Variants in RASA1 observed in about 807,000 individuals in gnomAD.
RASA1 encodes the protein RAS p21 protein activator 1.
In RASA1, 25 loss-of-function variants were observed where a neutral mutation model predicts 132.2. That is an observed-to-expected ratio of 0.19 (90% CI 0.14 to 0.26). The LOEUF is 0.26. RASA1 is among the 10% of genes least tolerant of loss of function. The pLI is 1.00. For synonymous variants in RASA1, 477 were observed against 449.9 expected (o/e 1.06, Z -0.76); for missense variants, 964 against 1,299.2 (o/e 0.74, Z 3.97).
intron 1 of RASA1, among the ~76,000 whole-genome samples, chr5:87,310,478 C>G (rs1419387791): frequency 6.6e-6 from 1 of 152,104 alleles, no homozygotes; most frequent in African/African-American, 2.4e-5. Context: ...TACTTGAAAA[C>G]AATGGCCACC....
At position 87,268,528 on chromosome 5, in the gene RASA1, G is replaced by T. The variant is rs765793195; in HGVS notation, c.77G>T (p.Gly26Val). The change falls in exon 1 of 25, where the codon GGC becomes GTC. Residue 26 changes from glycine to valine, a missense_variant. By Grantham distance (109) the Gly-to-Val change is moderately radical. Coordinates refer to ENST00000274376, the MANE Select transcript of RASA1 (RefSeq NM_002890.3). ...GCTGGAGGAGGCGGCGCGGCAGCGG[G>T]CTCCAGTGCCTATCCCGCAGTGTGT... ...AGAGGGGAAA[G>V]SSAYPAVCRV... 11 of 1,590,004 alleles carry T rather than the reference G, an allele frequency of 6.9e-6. 1 individual carries two copies. The South Asian group carries it at 1.1e-4, about 16-fold the overall frequency.
Position 87,331,362 on chromosome 5 carries a change from A to C in RASA1, c.554A>C (p.Lys185Thr). 2 of 1,610,066 alleles carry C rather than the reference A, an allele frequency of 1.2e-6. No individual in the cohort carries two copies. The highest frequency in any genetic ancestry group is 1.7e-6 in the Non-Finnish European group (2 of 1,176,344). Residue 185 changes from lysine (K) to threonine (T), a missense_variant, in exon 2 of 25, where the codon AAA (lysine) becomes ACA (threonine). Lys to Thr is a moderately conservative substitution (Grantham distance 78). This residue lies in a region of RASA1 where 326 missense variants were observed against 275.8 expected (regional missense o/e 1.18). Transcript: ENST00000274376. ...TTTTCCCCTAGGTGGTATCACGGAAAACTTGACAGAACGATAGCAGAAGAA... is the reference window on the plus strand; with the variant it reads ...TTTTCCCCTAGGTGGTATCACGGAACACTTGACAGAACGATAGCAGAAGAA... The part of the protein sequence containing the change: ...APPTNQWYHG[K>T]LDRTIAEERL...
chr5:87,383,944 C>T (rs933858105), intron 21 of RASA1, among the ~76,000 whole-genome samples, 164 bp downstream of exon 21: 8 of 149,914 alleles, frequency 5.3e-5, no homozygotes, highest in African/African-American at 2.0e-4. Context: ...GCTTGTGCTT[C>T]TTGGGCTTTT....
intron 1 of RASA1, among the ~76,000 whole-genome samples, chr5:87,281,147 A>G (rs953867791): frequency 2.6e-5 from 4 of 152,016 alleles, no homozygotes; most frequent in African/African-American, 9.7e-5. Flanking sequence ...TTAATTTTTT[A>G]AGGAATCATC....
chr5:87,380,951 G>A (rs955726868), intron 20 of RASA1, among the ~76,000 whole-genome samples: 5 of 152,156 alleles, frequency 3.3e-5, no homozygotes, highest in Admixed American at 6.5e-5. Flanking sequence ...GTAATTGACC[G>A]ATTTAGATAT....
intron 1 of RASA1, among the ~76,000 whole-genome samples, chr5:87,304,847 G>A (rs1755535213): frequency 6.7e-6 from 1 of 149,864 alleles, no homozygotes; most frequent in Non-Finnish European, 1.5e-5. Flanking sequence ...TACTCTTTAT[G>A]ATGCTCTTCA....
At chr5:87,338,154 C>T in intron 5 of RASA1, 63 bp downstream of exon 5, 1 of 1,602,306 alleles carries the variant, frequency 6.2e-7, no homozygotes, top group South Asian at 1.1e-5. Context: ...TGGATCTTGT[C>T]CGTAATCAGA....
intron 1 of RASA1, among the ~76,000 whole-genome samples, chr5:87,303,618 G>A (rs1233474903): frequency 6.6e-6 from 1 of 151,798 alleles, no homozygotes; most frequent in Non-Finnish European, 1.5e-5. Context: ...TTTTGATTTA[G>A]TTCCCTTGAG....
chr5:87,378,273 G>T lies in RASA1; in HGVS notation c.2345-123G>T, dbSNP rs564392671. 3.3e-5 allele frequency: 36 copies of T among 1,106,582 alleles called. No homozygotes were observed. The Admixed American group carries it at 4.6e-4, about 14-fold the overall frequency. 68.5% of individuals were successfully genotyped at this position (1,106,582 alleles called of 1,614,324 possible). A position where few individuals can be genotyped will look rare whatever the true frequency, so the allele number is the denominator to read the frequency against. On this transcript the variant is annotated intron_variant, in intron 17 of 24. Coordinates refer to ENST00000274376, the MANE Select transcript of RASA1 (RefSeq NM_002890.3). ...CATTGTAATTAGTACTTTCAACGCT[G>T]CACGCAAAAAGCACATTTAAGTGGC...
At chr5:87,291,851 GCCAGTT>G (rs1754922495) in intron 1 of RASA1, among the ~76,000 whole-genome samples, 1 of 152,204 alleles carries the variant, frequency 6.6e-6, no homozygotes, top group South Asian at 2.1e-4. Flanking sequence ...AGAACCATGA[GCCAGTT>G]AAACCACTTA....
intron 1 of RASA1, among the ~76,000 whole-genome samples, chr5:87,300,443 C>G (rs1344096281): frequency 6.6e-6 from 1 of 151,992 alleles, no homozygotes; most frequent in East Asian, 1.9e-4. Flanking sequence ...GGTGGGAGAA[C>G]TGCTTGAGGC....
At chr5:87,304,516 G>A (rs186970847) in intron 1 of RASA1, among the ~76,000 whole-genome samples, 26 of 149,982 alleles carry the variant, frequency 1.7e-4, no homozygotes, top group Admixed American at 1.3e-3. Context: ...TGCCCAGGCC[G>A]GAGTACAGTG....
intron 6 of RASA1, among the ~76,000 whole-genome samples, chr5:87,344,466 G>A (rs1390645272): frequency 1.3e-5 from 2 of 152,032 alleles, no homozygotes; most frequent in Non-Finnish European, 2.9e-5. Context: ...CTTATCATCT[G>A]TAGTTTCCTA....
intron 8 of RASA1, among the ~76,000 whole-genome samples, chr5:87,351,928 A>G (rs1455139095): frequency 6.6e-6 from 1 of 151,798 alleles, no homozygotes; most frequent in Non-Finnish European, 1.5e-5. Context: ...TACTGAGCCC[A>G]AAAACCTTTG....
chr5:87,305,811 G>A (rs1206561916), intron 1 of RASA1, among the ~76,000 whole-genome samples: 1 of 152,124 alleles, frequency 6.6e-6, no homozygotes, highest in Admixed American at 6.5e-5. Context: ...ATTAAAATGT[G>A]GGCAAAGGAC....
At position 87,388,679 on chromosome 5, in the gene RASA1, A is replaced by G. The variant is rs887654747; in HGVS notation, c.2926-714A>G. Among the ~76,000 whole-genome samples, 3 of 152,230 alleles carry G rather than the reference A, an allele frequency of 2.0e-5. No homozygotes were observed. In the South Asian group the frequency reaches 6.2e-4, roughly 31 times the overall value. On this transcript the variant is annotated intron_variant, in intron 23 of 24. Coordinates refer to ENST00000274376, the MANE Select transcript of RASA1 (RefSeq NM_002890.3). ...TTAACACTGATTATTCCCACACATT[A>G]GCAAGTATTCTGAGCATAGTCCACA...
At chr5:87,342,829 C>G (rs569728433) in intron 6 of RASA1, among the ~76,000 whole-genome samples, 2 of 152,130 alleles carry the variant, frequency 1.3e-5, no homozygotes, top group East Asian at 3.9e-4. Context: ...GACCATAAAT[C>G]TAGGTTTTTT....
rs373817456 is a variant in RASA1, at chr5:87,341,333, T to C, written c.1049+12T>C. 7.6e-7 allele frequency: 1 copy of C among 1,313,506 alleles called. No homozygotes were observed. 81.4% of individuals were successfully genotyped at this position (1,313,506 alleles called of 1,614,324 possible). ...CATGAAGGAAAAATGTGAGTTTGTG[T>C]TAATTATTAAAATGAAAAAAAAAAT... On this transcript the variant is annotated intron_variant, in intron 6 of 24. Coordinates refer to ENST00000274376, the MANE Select transcript of RASA1 (RefSeq NM_002890.3).
chr5:87,289,751 C>G lies in RASA1; in HGVS notation c.539+20761C>G, dbSNP rs534803701. ...TCAGCCTTCCTATTAACTAAGACTA[C>G]AGATGCATGCCACCATGCCCAGCTA... On this transcript the variant is annotated intron_variant, in intron 1 of 24. Transcript: ENST00000274376. Among the ~76,000 whole-genome samples the G allele has an allele frequency of 8.5e-5, 13 of 152,234 alleles. No homozygotes were observed. The South Asian group carries it at 2.5e-3, about 29-fold the overall frequency.
Sources: gnomAD v4.1 joint callset for allele counts (sites outside exome capture counted in the v4.1 genomes callset) on GRCh38, gnomAD v4.1.1 for gene constraint, gnomAD v4.1.1 regional missense constraint, MANE v1.5 for transcripts, NCBI Gene and HGNC (gene_info 2026-07-23, HGNC 2026-07-21) for gene names.